Variants in ZFHX3 observed in about 807,000 individuals in gnomAD.
ZFHX3 encodes the protein zinc finger homeobox 3, also known as zinc finger homeobox protein 3.
In ZFHX3, 42 loss-of-function variants were observed where a neutral mutation model predicts 279.1. That is an observed-to-expected ratio of 0.15 (90% CI 0.12 to 0.19). The LOEUF (loss-of-function observed/expected upper bound fraction) is 0.19. ZFHX3 is among the 10% of genes least tolerant of loss of function. ZFHX3 has a pLI of 1.00. For synonymous variants in ZFHX3, 2,293 were observed against 1,957.8 expected, an observed-to-expected ratio of 1.17 and a Z score of -4.52; for missense variants, 4,981 against 4,754.0, an observed-to-expected ratio of 1.05 and a Z score of -1.40.
chr16:73,103,794 C>G (rs1016770252), intron 7 of ZFHX3, among the ~76,000 whole-genome samples: 1 of 151,770 alleles, frequency 6.6e-6, no homozygotes, highest in East Asian at 2.0e-4. Context: ...CTGGTGGAGA[C>G]TTTTATCCGT....
intron 2 of ZFHX3, among the ~76,000 whole-genome samples, chr16:73,591,045 A>T (rs1267818087): frequency 6.6e-6 from 1 of 152,204 alleles, no homozygotes. Context: ...AAATCTACAG[A>T]ACAAATGCCT....
intron 5 of ZFHX3, among the ~76,000 whole-genome samples, chr16:72,813,176 TA>T (rs2143608121): frequency 6.6e-6 from 1 of 151,566 alleles, no homozygotes; most frequent in South Asian, 2.1e-4. Flanking sequence ...TTTAAAGCAA[TA>T]AGAAAAAAAA....
rs940233208 is a variant in ZFHX3 at position 72,841,708 on chromosome 16, CTATT to C, written c.3449-11853_3449-11850del. Among the ~76,000 whole-genome samples, 20 of 152,214 alleles carry C rather than the reference CTATT, an allele frequency of 1.3e-4. 1 individual carries two copies. The highest frequency in any genetic ancestry group is 4.8e-4 in the African/African-American group (20 of 41,462). On this transcript the variant is annotated intron_variant, in intron 4 of 9. Transcript: ENST00000268489. ...CTCAGCCTCAGGACTCGCTGTGTATCTATTTAGCTTTTCCTCCTGTGAGGTGTTT... is the reference window on the plus strand; with the variant it reads ...CTCAGCCTCAGGACTCGCTGTGTATCTAGCTTTTCCTCCTGTGAGGTGTTT...
At chr16:73,481,284 G>A (rs1008013803) in intron 2 of ZFHX3, among the ~76,000 whole-genome samples, 6 of 150,602 alleles carry the variant, frequency 4.0e-5, no homozygotes, top group South Asian at 2.1e-4. Context: ...AGCTGAGATC[G>A]CATCACTGCA....
At chr16:73,508,779 G>A (rs971204287) in intron 2 of ZFHX3, among the ~76,000 whole-genome samples, 4 of 152,186 alleles carry the variant, frequency 2.6e-5, no homozygotes. Flanking sequence ...GTGAGACATA[G>A]GCCTTAAAAG....
chr16:73,488,172 G>T (rs2019005254), intron 2 of ZFHX3, among the ~76,000 whole-genome samples: 1 of 152,210 alleles, frequency 6.6e-6, no homozygotes, highest in Non-Finnish European at 1.5e-5. Flanking sequence ...GAACAAATTT[G>T]CTCCTTTGGG....
chr16:73,699,137 C>T (rs1456246549), intron 1 of ZFHX3, among the ~76,000 whole-genome samples: 1 of 152,096 alleles, frequency 6.6e-6, no homozygotes, highest in African/African-American at 2.4e-5. Flanking sequence ...CCCACCTTGG[C>T]CTCCCAATCA....
intron 1 of ZFHX3, among the ~76,000 whole-genome samples, chr16:73,029,451 G>A (rs1361142523): frequency 1.3e-5 from 2 of 152,204 alleles, no homozygotes; most frequent in Non-Finnish European, 2.9e-5. Context: ...GAAAAGCTGA[G>A]ACCTCAGGAC....
chr16:73,055,044 GA>G (rs35678846), intron 1 of ZFHX3, among the ~76,000 whole-genome samples: 34,088 of 141,232 alleles, frequency 0.24, 4,191 homozygotes, highest in East Asian at 0.56. Context: ...CAAAGGGAGA[GA>G]AAAAAAAAAA....
intron 1 of ZFHX3, among the ~76,000 whole-genome samples, chr16:73,784,134 A>G (rs1170191024): frequency 6.6e-6 from 1 of 152,184 alleles, no homozygotes; most frequent in African/African-American, 2.4e-5. Flanking sequence ...AAAAAGAAAA[A>G]AAAAGGAGAC....
chr16:73,673,505 G>A lies in ZFHX3; in HGVS notation c.-1547+6675C>T, dbSNP rs79805231. Among the ~76,000 whole-genome samples, 1,510 of 152,082 alleles carry A rather than the reference G, an allele frequency of 9.9e-3. 26 individuals are homozygous for A. Among genetic ancestry groups the A allele is most frequent in the African/African-American group, 0.033 (1,364 of 41,474 alleles). On this transcript the variant is annotated intron_variant, in intron 2 of 17. Coordinates refer to the ZFHX3 transcript ENST00000641206. The stretch of plus-strand genomic sequence containing the variant: ...CCCAGGCTATCACCAAGAAGTAAGA[G>A]ATTCCTTGGGCTCTCACAGTCTGCC...
intron 7 of ZFHX3, among the ~76,000 whole-genome samples, chr16:73,111,278 T>A (rs1966370228): frequency 6.6e-6 from 1 of 152,176 alleles, no homozygotes; most frequent in Non-Finnish European, 1.5e-5. Flanking sequence ...CTGCTTTTGT[T>A]TTTGTTTTTT....
intron 1 of ZFHX3, among the ~76,000 whole-genome samples, chr16:73,026,192 C>CAAAAAAAAAAAAAAA (rs60146795): frequency 2.1e-5 from 1 of 47,486 alleles, no homozygotes; most frequent in Non-Finnish European, 3.7e-5. Context: ...ACAAAAAATA[C>CAAAAAAAAAAAAAAA]AAAAAAAAAA....
At chr16:73,053,812 C>T (rs1350476955) in intron 1 of ZFHX3, among the ~76,000 whole-genome samples, 1 of 152,144 alleles carries the variant, frequency 6.6e-6, no homozygotes, top group Non-Finnish European at 1.5e-5. Context: ...TAAGAGGGCC[C>T]TGCAAAGAAG....
chr16:73,823,495 G>T (rs546193614), intron 1 of ZFHX3, among the ~76,000 whole-genome samples: 1 of 152,194 alleles, frequency 6.6e-6, no homozygotes, highest in Non-Finnish European at 1.5e-5. Flanking sequence ...CCCAAGAAAG[G>T]CTGCAAGAAG....
chr16:73,482,537 C>CG (rs2018888359), intron 2 of ZFHX3, among the ~76,000 whole-genome samples: 1 of 152,158 alleles, frequency 6.6e-6, no homozygotes, highest in South Asian at 2.1e-4. Flanking sequence ...CCAGAGGTCT[C>CG]GGGAAGCCTC....
intron 1 of ZFHX3, among the ~76,000 whole-genome samples, chr16:72,964,617 G>T (rs923470427): frequency 6.6e-6 from 1 of 150,618 alleles, no homozygotes; most frequent in Non-Finnish European, 1.5e-5. Flanking sequence ...AGTGAGCTAC[G>T]ATCGGGCCAC....
At chr16:73,034,799 T>C (rs181635205) in intron 1 of ZFHX3, among the ~76,000 whole-genome samples, 1 of 152,324 alleles carries the variant, frequency 6.6e-6, no homozygotes, top group East Asian at 1.9e-4. Context: ...CACCCCCACC[T>C]GTACGCCAGG....
intron 1 of ZFHX3, among the ~76,000 whole-genome samples, chr16:72,995,949 T>C (rs1444658283): frequency 2.6e-5 from 4 of 152,286 alleles, no homozygotes; most frequent in Non-Finnish European, 4.4e-5. Flanking sequence ...CTGTCCTATC[T>C]TGGTAATTAT....
Sources: gnomAD v4.1 joint callset for allele counts (sites outside exome capture counted in the v4.1 genomes callset) on GRCh38, gnomAD v4.1.1 for gene constraint, MANE v1.5 for transcripts, NCBI Gene and HGNC (gene_info 2026-07-23, HGNC 2026-07-21) for gene names.